SYNRG: variants seen among roughly 807,000 people sequenced by gnomAD.
SYNRG encodes synergin gamma.
Under a neutral mutation model 130.9 loss-of-function variants are expected in SYNRG, and 37 were observed. That is an observed-to-expected ratio of 0.28 (90% CI 0.22 to 0.37). The LOEUF (loss-of-function observed/expected upper bound fraction) is 0.37. Ranked by LOEUF, SYNRG falls within the 10% of genes least tolerant of loss-of-function variation. The pLI is 1.00. For missense variants in SYNRG, 1,338 were observed against 1,588.9 expected, an observed-to-expected ratio of 0.84 and a Z score of 2.68; for synonymous variants, 539 against 568.1, an observed-to-expected ratio of 0.95 and a Z score of 0.73.
At chr17:37,607,955 CAAAAAAA>C (rs67822733) in intron 1 of SYNRG, among the ~76,000 whole-genome samples, 11 of 51,120 alleles carry the variant, frequency 2.2e-4, no homozygotes, top group Admixed American at 5.8e-4. Flanking sequence ...GACTTCCTCT[CAAAAAAA>C]AAAAAAAAAA....
chr17:37,591,388 A>G (rs371982507), intron 3 of SYNRG, among the ~76,000 whole-genome samples: 3 of 152,250 alleles, frequency 2.0e-5, no homozygotes, highest in East Asian at 3.8e-4. Context: ...GAAGACATCA[A>G]TTCTCCCTAA....
chr17:37,589,770 T>C (rs370716711), intron 3 of SYNRG, among the ~76,000 whole-genome samples: 21 of 150,068 alleles, frequency 1.4e-4, no homozygotes, highest in African/African-American at 5.1e-4. Flanking sequence ...AAAAAGGCTA[T>C]TTATAAATGA....
At chr17:37,526,827 T>C (rs992763466) in intron 19 of SYNRG, among the ~76,000 whole-genome samples, 3 of 152,174 alleles carry the variant, frequency 2.0e-5, no homozygotes, top group African/African-American at 7.2e-5. Flanking sequence ...CAGGATACCT[T>C]CCCCAAAGAA....
chr17:37,522,709 C>G (rs1437953027), intron 19 of SYNRG, among the ~76,000 whole-genome samples: 1 of 148,094 alleles, frequency 6.8e-6, no homozygotes, highest in South Asian at 2.1e-4. Flanking sequence ...GGCGCAATCT[C>G]GGCTCACTGC....
chr17:37,528,781 C>T (rs750991709), intron 19 of SYNRG, among the ~76,000 whole-genome samples: 5 of 152,194 alleles, frequency 3.3e-5, no homozygotes, highest in African/African-American at 1.2e-4. Context: ...TAACACCTTA[C>T]ACTATTTCTG....
Position 37,553,954 on chromosome 17 carries a change from G to C in SYNRG, c.1769C>G (p.Thr590Ser), listed in dbSNP as rs777081155. Residue 590 changes from threonine to serine, a missense_variant, in exon 14 of 22, where the codon ACT (threonine) becomes AGT (serine). Physicochemically the swap from Thr to Ser is moderately conservative, Grantham distance 58. Coordinates refer to ENST00000612223, the MANE Select transcript of SYNRG (RefSeq NM_007247.6). The stretch of plus-strand genomic sequence containing the variant: ...TCCTGAGGGGAAGGATGGTGGAAAA[G>C]TTTTGTCTTTTGTTGGTGGCTCTAG... ...SPLEPPTKDK[T>S]FPPSFPSGTI... 4 of 1,609,832 alleles carry C rather than the reference G, an allele frequency of 2.5e-6. No individual in the cohort carries two copies. The South Asian group carries it at 4.4e-5, about 18-fold the overall frequency.
chr17:37,567,336 A>T (rs2060072586), intron 11 of SYNRG: 1 of 152,250 alleles, frequency 6.6e-6, no homozygotes, highest in South Asian at 2.1e-4. Context: ...TGGTGACATC[A>T]TTCACCAAGG....
intron 2 of SYNRG, among the ~76,000 whole-genome samples, chr17:37,598,602 T>C (rs2062988355): frequency 6.6e-6 from 1 of 152,256 alleles, no homozygotes; most frequent in Non-Finnish European, 1.5e-5. Context: ...CAAGTACTCA[T>C]GATCTTGTGG....
intron 6 of SYNRG, among the ~76,000 whole-genome samples, chr17:37,580,243 A>G (rs1290218703): frequency 6.6e-6 from 1 of 152,128 alleles, no homozygotes; most frequent in African/African-American, 2.4e-5. Context: ...ACACACTTGC[A>G]TAGATCATAT....
Position 37,542,127 on chromosome 17 carries a change from G to A in SYNRG, c.3047C>T (p.Thr1016Ile). 1.2e-6 allele frequency: 2 copies of A among 1,614,198 alleles called. No individual in the cohort carries two copies. The highest frequency in any genetic ancestry group is 1.7e-6 in the Non-Finnish European group (2 of 1,180,048). The change falls in exon 15 of 22, where the codon ACC becomes ATC. Residue 1016 changes from threonine (T) to isoleucine (I), a missense_variant. By Grantham distance (89) the Thr-to-Ile change is moderately conservative. Coordinates refer to ENST00000612223, the MANE Select transcript of SYNRG (RefSeq NM_007247.6). ...AAAGTCATCCGAACATTCGTTCGGG[G>A]TTTCTTGAGAGGCACCACTGGACGC... ...SPASSGASQE[T>I]PNECSDDFGE...
chr17:37,563,933 C>CAAGTTCAGCAAT (rs1234218942), intron 11 of SYNRG, among the ~76,000 whole-genome samples: 5 of 151,788 alleles, frequency 3.3e-5, no homozygotes, highest in Non-Finnish European at 7.4e-5. Context: ...CAAACTCCAC[C>CAAGTTCAGCAAT]TGCCAAGTTC....
chr17:37,554,878 G>A (rs1183031423), intron 13 of SYNRG, among the ~76,000 whole-genome samples: 1 of 152,036 alleles, frequency 6.6e-6, no homozygotes, highest in Admixed American at 6.5e-5. Context: ...AAGTTTTAGA[G>A]GGTATGACTT....
chr17:37,549,383 G>A (rs933212955), intron 14 of SYNRG, among the ~76,000 whole-genome samples: 12 of 152,008 alleles, frequency 7.9e-5, no homozygotes, highest in Non-Finnish European at 1.6e-4. Context: ...GCCTACGCTT[G>A]TTGCCACATT....
At chr17:37,575,204 T>C (rs1344895907) in intron 8 of SYNRG, among the ~76,000 whole-genome samples, 1 of 151,952 alleles carries the variant, frequency 6.6e-6, no homozygotes, top group Non-Finnish European at 1.5e-5. Flanking sequence ...CATAAAAATA[T>C]AGTTGGATAG....
chr17:37,575,002 A>G (rs2146130928), intron 8 of SYNRG, among the ~76,000 whole-genome samples: 1 of 152,280 alleles, frequency 6.6e-6, no homozygotes, highest in East Asian at 1.9e-4. Context: ...TTCCAACAAC[A>G]TGGTTGGAAC....
intron 6 of SYNRG, among the ~76,000 whole-genome samples, chr17:37,582,751 C>T (rs547203874): frequency 8.5e-5 from 13 of 152,088 alleles, no homozygotes; most frequent in African/African-American, 3.1e-4. Context: ...GTCCCGGTTA[C>T]TCACGAGGTT....
intron 19 of SYNRG, among the ~76,000 whole-genome samples, chr17:37,523,573 C>A (rs1220468610): frequency 6.6e-6 from 1 of 152,230 alleles, no homozygotes; most frequent in Non-Finnish European, 1.5e-5. Context: ...ACTAGTGCGA[C>A]AGAATGGAAT....
chr17:37,592,337 T>C (rs2062267859), intron 3 of SYNRG, among the ~76,000 whole-genome samples: 2 of 152,132 alleles, frequency 1.3e-5, no homozygotes, highest in Non-Finnish European at 1.5e-5. Flanking sequence ...TCTGATACAT[T>C]GCCGGTGGGA....
intron 4 of SYNRG, 90 bp from the exon 5 acceptor site, chr17:37,585,520 T>C: frequency 1.2e-6 from 1 of 864,594 alleles, no homozygotes; most frequent in East Asian, 2.5e-5. Context: ...AGCAATATCA[T>C]GTTGCACTTC....
Sources: gnomAD v4.1 joint callset for allele counts (sites outside exome capture counted in the v4.1 genomes callset) on GRCh38, gnomAD v4.1.1 for gene constraint, MANE v1.5 for transcripts, NCBI Gene and HGNC (gene_info 2026-07-23, HGNC 2026-07-21) for gene names.